The following HDAC9 variants were observed in gnomAD, a reference collection of about 807,000 sequenced individuals.
HDAC9 encodes MEF-2 interacting transcription repressor (MITR) protein.
In HDAC9, 41 loss-of-function variants were observed where a neutral mutation model predicts 139.4. The ratio of observed to expected loss-of-function variants is 0.29; its 90% CI spans 0.23 to 0.38. The LOEUF (loss-of-function observed/expected upper bound fraction) is 0.38, where lower values mean the gene tolerates loss of function less well. Among genes scored for constraint, HDAC9 ranks in the 10% least tolerant of loss-of-function variants. HDAC9 has a pLI of 1.00. For synonymous variants in HDAC9, 517 were observed against 476.2 expected, an observed-to-expected ratio of 1.09 and a Z score of -1.12; for missense variants, 1,147 against 1,297.0, an observed-to-expected ratio of 0.88 and a Z score of 1.78.
chr7:18,565,054 G>C (rs989320994), intron 2 of HDAC9, among the ~76,000 whole-genome samples: 2 of 151,762 alleles, frequency 1.3e-5, no homozygotes, highest in African/African-American at 4.8e-5. Flanking sequence ...CTGGAGTGCA[G>C]TGGCACAATT....
chr7:18,765,921 A>G (rs1441702300), intron 15 of HDAC9, among the ~76,000 whole-genome samples: 2 of 152,214 alleles, frequency 1.3e-5, no homozygotes, highest in Admixed American at 1.3e-4. Context: ...CTTTATAACT[A>G]GATGGCTTCA....
intron 2 of HDAC9, among the ~76,000 whole-genome samples, chr7:18,563,140 C>T (rs1237662126): frequency 1.3e-5 from 2 of 152,028 alleles, no homozygotes; most frequent in Non-Finnish European, 2.9e-5. Context: ...CATTTATGTG[C>T]TCCCATTTTT....
intron 17 of HDAC9, among the ~76,000 whole-genome samples, chr7:18,803,433 G>C (rs1278971989): frequency 6.6e-6 from 1 of 152,050 alleles, no homozygotes; most frequent in Non-Finnish European, 1.5e-5. Flanking sequence ...TGAAACCTCT[G>C]TTCTGGGATT....
intron 22 of HDAC9, chr7:18,907,040 CAAGAA>C (rs1364171208): frequency 6.6e-6 from 1 of 152,116 alleles, no homozygotes; most frequent in African/African-American, 2.4e-5. Flanking sequence ...AGCACCCTCA[CAAGAA>C]AAGAAGAAAC....
At chr7:18,952,543 T>A (rs1042529818) in intron 23 of HDAC9, among the ~76,000 whole-genome samples, 1 of 151,978 alleles carries the variant, frequency 6.6e-6, no homozygotes, top group Non-Finnish European at 1.5e-5. Flanking sequence ...AAAATCTACC[T>A]GATTTCTATT....
At chr7:18,983,089 C>G (rs1242923710) in intron 25 of HDAC9, among the ~76,000 whole-genome samples, 1 of 152,106 alleles carries the variant, frequency 6.6e-6, no homozygotes, top group Non-Finnish European at 1.5e-5. Flanking sequence ...TAGCCATTGA[C>G]CAGCTCCTTC....
At chr7:18,783,492 C>T (rs541947328) in intron 16 of HDAC9, among the ~76,000 whole-genome samples, 18 of 152,120 alleles carry the variant, frequency 1.2e-4, no homozygotes, top group Admixed American at 9.8e-4. Flanking sequence ...TTAGATTCAA[C>T]AGATCATGTC....
chr7:18,536,257 G>A (rs549129603), intron 2 of HDAC9, among the ~76,000 whole-genome samples: 9 of 152,282 alleles, frequency 5.9e-5, no homozygotes, highest in Non-Finnish European at 1.0e-4. Flanking sequence ...TGAAGCTCCA[G>A]TTGTCACTGT....
At chr7:18,093,911 A>G (rs1244309412) in intron 1 of HDAC9, among the ~76,000 whole-genome samples, 1 of 152,150 alleles carries the variant, frequency 6.6e-6, no homozygotes, top group African/African-American at 2.4e-5. Context: ...TCCATTGATC[A>G]GAATCATTGG....
At chr7:18,323,283 A>G (rs1800168224) in intron 1 of HDAC9, among the ~76,000 whole-genome samples, 2 of 152,070 alleles carry the variant, frequency 1.3e-5, no homozygotes, top group Admixed American at 1.3e-4. Context: ...CACCACCTCC[A>G]TTGCTACCTC....
At chr7:18,831,032 G>A (rs1046641006) in intron 19 of HDAC9, among the ~76,000 whole-genome samples, 6 of 152,184 alleles carry the variant, frequency 3.9e-5, no homozygotes, top group African/African-American at 1.4e-4. Context: ...CTTAAGAAAA[G>A]CAGATAAAGA....
intron 2 of HDAC9, among the ~76,000 whole-genome samples, chr7:18,284,875 T>C (rs1797335984): frequency 6.6e-6 from 1 of 152,124 alleles, no homozygotes; most frequent in Non-Finnish European, 1.5e-5. Context: ...TCAGACATGA[T>C]TTTCAGCACT....
chr7:18,892,829 CCAT>C (rs1365790908), intron 22 of HDAC9, among the ~76,000 whole-genome samples: 6 of 151,810 alleles, frequency 4.0e-5, no homozygotes, highest in Non-Finnish European at 8.8e-5. Context: ...TAAATCTACC[CCAT>C]GTAAGACTGA....
chr7:18,190,293 A>G (rs1790250539), intron 2 of HDAC9, among the ~76,000 whole-genome samples: 1 of 152,202 alleles, frequency 6.6e-6, no homozygotes, highest in East Asian at 1.9e-4. Context: ...TTGGGCATGT[A>G]TACATAGATA....
intron 12 of HDAC9, among the ~76,000 whole-genome samples, chr7:18,710,470 A>G (rs983435665): frequency 6.6e-6 from 1 of 152,216 alleles, no homozygotes; most frequent in African/African-American, 2.4e-5. Context: ...GCACACATAT[A>G]CAGATATGTA....
chr7:18,356,368 T>TTG (rs1554388661), intron 1 of HDAC9, among the ~76,000 whole-genome samples: 1 of 142,428 alleles, frequency 7.0e-6, no homozygotes, highest in Non-Finnish European at 1.5e-5. Context: ...GTTTTTTTTT[T>TTG]TTTTTTTTTT....
chr7:18,471,272 G>A lies in HDAC9; in HGVS notation c.-41-24990G>A, dbSNP rs1339198872. Among the ~76,000 whole-genome samples the A allele has an allele frequency of 3.9e-5, 6 of 152,018 alleles. No homozygotes were observed. In the South Asian group the frequency reaches 1.0e-3, roughly 26 times the overall value. On this transcript the variant is annotated intron_variant, in intron 1 of 3. Coordinates refer to the HDAC9 transcript ENST00000413509. Reference sequence around the variant, plus strand: ...TACACATTTGTATTACTTCACTCTCGGCATACAGTGATGGCCTGAATCCAA... The same window carrying A: ...TACACATTTGTATTACTTCACTCTCAGCATACAGTGATGGCCTGAATCCAA...
rs568841108 is a variant in HDAC9, at chr7:18,853,423, A to G, written c.2684+17426A>G. Among the ~76,000 whole-genome samples, 11 of 152,274 alleles carry G rather than the reference A, an allele frequency of 7.2e-5. 2 individuals are homozygous for G. The highest frequency in any genetic ancestry group is 2.4e-4 in the African/African-American group (10 of 41,558). On this transcript the variant is annotated intron_variant, in intron 21 of 25. Coordinates refer to ENST00000686413, the MANE Select transcript of HDAC9 (RefSeq NM_178425.4). ...GTTTTTAAAGCCATTAAGTTCAGCA[A>G]TATAATAGATGGTTACAAAATGAGC...
At chr7:18,718,263 G>T (rs1784859896) in intron 12 of HDAC9, among the ~76,000 whole-genome samples, 1 of 151,976 alleles carries the variant, frequency 6.6e-6, no homozygotes, top group South Asian at 2.1e-4. Flanking sequence ...ATGGAGTCGC[G>T]CTCTGTCCCC....
Sources: allele counts gnomAD v4.1 joint callset (sites outside exome capture counted in the v4.1 genomes callset), GRCh38; gene constraint gnomAD v4.1.1; transcripts MANE v1.5; gene names NCBI Gene and HGNC (gene_info 2026-07-23, HGNC 2026-07-21).